The following REX1BD variants were observed in gnomAD, a reference collection of about 807,000 sequenced individuals.
The protein encoded by REX1BD is required for excision 1-B domain containing.
In REX1BD, 22 loss-of-function variants were observed where a neutral mutation model predicts 24.4. The ratio of observed to expected loss-of-function variants is 0.90; its 90% confidence interval spans 0.64 to 1.29. The LOEUF (loss-of-function observed/expected upper bound fraction) is 1.29, where lower values mean the gene tolerates loss of function less well. Among genes scored for constraint, REX1BD ranks in the 50% most tolerant of loss-of-function variants. REX1BD has a pLI of 0.00. For synonymous variants in REX1BD, 146 were observed against 125.9 expected (o/e 1.16, Z -1.07); for missense variants, 293 against 285.3 (o/e 1.03, Z -0.19).
Position 18,589,047 on chromosome 19 carries a change from A to T in REX1BD, c.152A>T (p.Glu51Val). Residue 51 changes from glutamate to valine, a missense_variant, in exon 2 of 5, where the codon GAG (glutamate) becomes GTG (valine). Coordinates refer to ENST00000358607, the MANE Select transcript of REX1BD (RefSeq NM_001100418.2). ...CAGCGCATCCACCAGCTGCAGGCTGAGCGCGCGCAGGGCTTCCGCCGACTG... is the reference window on the plus strand; with the variant it reads ...CAGCGCATCCACCAGCTGCAGGCTGTGCGCGCGCAGGGCTTCCGCCGACTG... ...LVQRIHQLQA[E>V]RAQGFRRLEE... 1 of 1,522,986 alleles carries T rather than the reference A, an allele frequency of 6.6e-7. No individual in the cohort carries two copies. 94.3% of individuals were successfully genotyped at this position (1,522,986 alleles called of 1,614,324 possible). A position where few individuals can be genotyped will look rare whatever the true frequency, so the allele number is the denominator to read the frequency against.
At chr19:18,590,688 C>T in intron 3 of REX1BD, 166 bp from the exon 4 acceptor site, 1 of 611,498 alleles carries the variant, frequency 1.6e-6, no homozygotes, top group Non-Finnish European at 2.8e-6. Flanking sequence ...TCTGAGAGAG[C>T]CTCTAAACTG....
At position 18,590,473 on chromosome 19, in the gene REX1BD, T is replaced by G. The variant is rs1976017707; in HGVS notation, c.454-381T>G. ...TGGTCTCAAGCGATCCGCCCTCTTCTGCTTCCCGAAGTGCTGGGATTTCAG... is the reference window on the plus strand; with the variant it reads ...TGGTCTCAAGCGATCCGCCCTCTTCGGCTTCCCGAAGTGCTGGGATTTCAG... On this transcript the variant is annotated intron_variant, in intron 3 of 4. Coordinates refer to ENST00000358607, the MANE Select transcript of REX1BD (RefSeq NM_001100418.2). 8 of 197,930 alleles carry G rather than the reference T, an allele frequency of 4.0e-5. No individual in the cohort carries two copies. The South Asian group carries it at 5.9e-4, about 15-fold the overall frequency. 12.3% of individuals were successfully genotyped at this position (197,930 alleles called of 1,614,324 possible).
chr19:18,590,705 G>C (rs1976022938), intron 3 of REX1BD, 149 bp from the exon 4 acceptor site: 2 of 661,038 alleles, frequency 3.0e-6, no homozygotes, highest in East Asian at 3.0e-5. Context: ...ACTGAATTTC[G>C]GACTCTTCCT....
chr19:18,591,845 T>G (rs1600645829), intron 4 of REX1BD: 2 of 487,710 alleles, frequency 4.1e-6, no homozygotes, highest in East Asian at 6.7e-5. Flanking sequence ...TCTGCCTGCC[T>G]CAGCTTCCCA....
chr19:18,589,275 ACT>A (rs1454769311), intron 2 of REX1BD, 136 bp from the exon 3 acceptor site: 1 of 1,536,118 alleles, frequency 6.5e-7, no homozygotes. Context: ...CCGACGACTC[ACT>A]CTTCGTGGCT....
chr19:18,590,075 A>C, intron 3 of REX1BD: 7 of 211,400 alleles, frequency 3.3e-5, no homozygotes, highest in Non-Finnish European at 4.7e-5. Flanking sequence ...TTATTCCTCC[A>C]TCACAGCTTT....
chr19:18,589,999 T>G, intron 3 of REX1BD: 1 of 355,982 alleles, frequency 2.8e-6, no homozygotes, highest in Non-Finnish European at 5.1e-6. Flanking sequence ...GTTCCGCGTC[T>G]AGGGTCCCAC....
At chr19:18,590,798 C>T in intron 3 of REX1BD, 56 bp from the exon 4 acceptor site, 1 of 1,522,548 alleles carries the variant, frequency 6.6e-7, no homozygotes, top group Non-Finnish European at 8.9e-7. Flanking sequence ...CCTTGGAGGG[C>T]AGGGGGTGGG....
At chr19:18,592,049 C>T (rs777661236) in intron 4 of REX1BD, 59 bp from the exon 5 acceptor site, 13 of 1,599,218 alleles carry the variant, frequency 8.1e-6, no homozygotes, top group Middle Eastern at 3.3e-4. Flanking sequence ...TGCAGCTTCG[C>T]GGCAGCAGCT....
chr19:18,589,150 C>A (rs1975980645), intron 2 of REX1BD, 73 bp downstream of exon 2: 2 of 1,463,660 alleles, frequency 1.4e-6, no homozygotes, highest in Admixed American at 2.5e-5. Context: ...TCTCGGCGGG[C>A]GTGCCTGGAG....
At position 18,588,887 on chromosome 19, in the gene REX1BD, C is replaced by T. The variant is rs757894866; in HGVS notation, c.86C>T (p.Pro29Leu). 7.8e-6 allele frequency: 12 copies of T among 1,532,162 alleles called. No homozygotes were observed. The allele number at this position is 1,532,162 out of a possible 1,614,324, so 94.9% of individuals were successfully genotyped here. Reference sequence around the variant, plus strand: ...ACCGAAGCTCGGGGACGCGAGGAGCCGGCGTGGCCCTGGGTGAGCCCAGGC... The same window carrying T: ...ACCGAAGCTCGGGGACGCGAGGAGCTGGCGTGGCCCTGGGTGAGCCCAGGC... The part of the protein sequence containing the change: ...EATEARGREE[P>L]AWPWKDAPIR... Residue 29 changes from proline to leucine, a missense_variant, in exon 1 of 5, where the codon CCG (proline) becomes CTG (leucine). Coordinates refer to ENST00000358607, the MANE Select transcript of REX1BD (RefSeq NM_001100418.2).
intron 4 of REX1BD, chr19:18,591,612 TTTA>T (rs1324101975): frequency 1.9e-5 from 3 of 158,738 alleles, no homozygotes. Context: ...CGCCTGGTCC[TTTA>T]TTTTCTTTTC....
chr19:18,588,977 G>A lies in REX1BD; in HGVS notation c.100-18G>A. On this transcript the variant is annotated intron_variant, in intron 1 of 4. Coordinates refer to ENST00000358607, the MANE Select transcript of REX1BD (RefSeq NM_001100418.2). ...GGGGCGCGGGCTTCATGCCCCAGCC[G>A]TGCCCCCTGTCCCGCAGAAAGACGC... 2 of 1,525,670 alleles carry A rather than the reference G, an allele frequency of 1.3e-6. No individual in the cohort carries two copies. The highest frequency in any genetic ancestry group is 1.8e-6 in the Non-Finnish European group (2 of 1,142,834). The allele number at this position is 1,525,670 out of a possible 1,614,324, so 94.5% of individuals were successfully genotyped here.
At position 18,590,868 on chromosome 19, in the gene REX1BD, G is replaced by A. The variant is rs749193278; in HGVS notation, c.468G>A (p.Gln156=). The change falls in exon 4 of 5, where the codon CAG becomes CAA. Residue 156 remains glutamine, a synonymous_variant. Transcript: ENST00000358607. ...TCCCCCACCAGGTGGCCCTGCTGCA[G>A]TTGATGGAGACGCCAGAGCTGGCGG... ...QTRLGTVALL[Q]LMETPELAGQ... The A allele has an allele frequency of 6.2e-7, 1 of 1,606,484 alleles. No individual in the cohort carries two copies.
At chr19:18,589,809 C>T (rs1306624912) in intron 3 of REX1BD, 126 bp downstream of exon 3, 1 of 1,302,538 alleles carries the variant, frequency 7.7e-7, no homozygotes, top group Non-Finnish European at 1.0e-6. Flanking sequence ...TGTCCCACCC[C>T]AATCCTCTAT....
At chr19:18,590,212 G>GTTTTTTTTTTTT (rs1491275825) in intron 3 of REX1BD, 1 of 69,792 alleles carries the variant, frequency 1.4e-5, no homozygotes, top group African/African-American at 1.0e-4. Flanking sequence ...TTTCTTTCTG[G>GTTTTTTTTTTTT]TGTTTTTTTT....
chr19:18,589,015 G>C lies in REX1BD; in HGVS notation c.120G>C (p.Thr40=), dbSNP rs1391224188. 30 of 1,527,498 alleles carry C rather than the reference G, an allele frequency of 2.0e-5. No homozygotes were observed. Among genetic ancestry groups the C allele is most frequent in the Non-Finnish European group, 2.4e-5 (28 of 1,143,776 alleles). The allele number at this position is 1,527,498 out of a possible 1,614,324, so 94.6% of individuals were successfully genotyped here. A position where few individuals can be genotyped will look rare whatever the true frequency, so the allele number is the denominator to read the frequency against. Residue 40 remains threonine, a synonymous_variant, in exon 2 of 5, where the codon ACG becomes ACC. Transcript: ENST00000358607. ...AWPWKDAPIR[T]LVQRIHQLQA... ...CGCAGAAAGACGCCCCGATCCGGACGCTGGTGCAGCGCATCCACCAGCTGC... is the reference window on the plus strand; with the variant it reads ...CGCAGAAAGACGCCCCGATCCGGACCCTGGTGCAGCGCATCCACCAGCTGC...
Position 18,590,908 on chromosome 19 carries a change from G to C in REX1BD, c.508G>C (p.Val170Leu), listed in dbSNP as rs776326015. ...TPELAGQEDA[V>L]RMQQLKMKVI... The stretch of plus-strand genomic sequence containing the variant: ...AGAGCTGGCGGGGCAGGAGGACGCT[G>C]TACGGATGCAGCAGCTGAAAATGAA... Residue 170 changes from valine (V) to leucine (L), a missense_variant, in exon 4 of 5, where the codon GTA becomes CTA. Coordinates refer to ENST00000358607, the MANE Select transcript of REX1BD (RefSeq NM_001100418.2). 11 of 1,596,520 alleles carry C rather than the reference G, an allele frequency of 6.9e-6. No individual in the cohort carries two copies. The Admixed American group carries it at 1.9e-4, about 28-fold the overall frequency.
Position 18,590,901 on chromosome 19 carries a change from G to C in REX1BD, c.501G>C (p.Glu167Asp). The stretch of plus-strand genomic sequence containing the variant: ...AGACGCCAGAGCTGGCGGGGCAGGA[G>C]GACGCTGTACGGATGCAGCAGCTGA... The part of the protein sequence containing the change: ...LMETPELAGQ[E>D]DAVRMQQLKM... The change falls in exon 4 of 5, where the codon GAG (glutamate) becomes GAC (aspartate). Residue 167 changes from glutamate to aspartate, a missense_variant. Coordinates refer to ENST00000358607, the MANE Select transcript of REX1BD (RefSeq NM_001100418.2). The C allele has an allele frequency of 1.2e-6, 2 of 1,602,590 alleles. No individual in the cohort carries two copies. Among genetic ancestry groups the C allele is most frequent in the Non-Finnish European group, 1.7e-6 (2 of 1,175,146 alleles).
Sources: gnomAD v4.1 joint callset for allele counts on GRCh38, gnomAD v4.1.1 for gene constraint, MANE v1.5 for transcripts, NCBI Gene and HGNC (gene_info 2026-07-23, HGNC 2026-07-21) for gene names.